The following TMEM131L variants were observed in gnomAD, a reference collection of about 807,000 sequenced individuals.
TMEM131L encodes transmembrane protein 131-like.
A neutral mutation model predicts 192.2 loss-of-function variants in TMEM131L; 54 were observed. The observed-to-expected ratio is 0.28, with a 90% CI of 0.23 to 0.35. The LOEUF is 0.35. Ranked by LOEUF, TMEM131L falls within the 10% of genes least tolerant of loss-of-function variation. The pLI is 1.00. For missense variants in TMEM131L, 1,888 were observed against 1,972.9 expected, an observed-to-expected ratio of 0.96 and a Z score of 0.82; for synonymous variants, 701 against 704.9, an observed-to-expected ratio of 0.99 and a Z score of 0.09.
intron 2 of TMEM131L, among the ~76,000 whole-genome samples, chr4:153,467,565 T>C (rs2149694124): frequency 6.6e-6 from 1 of 152,350 alleles, no homozygotes; most frequent in East Asian, 1.9e-4. Context: ...GCCGTGGGTG[T>C]CCTGGGTGCA....
At chr4:153,497,895 A>AG (rs1462326394) in intron 3 of TMEM131L, among the ~76,000 whole-genome samples, 51 of 150,822 alleles carry the variant, frequency 3.4e-4, no homozygotes, top group African/African-American at 1.0e-3. Context: ...AAAAAAAAAA[A>AG]AAAAGAAAAG....
At chr4:153,622,039 C>CCT (rs1733454702) in intron 28 of TMEM131L, among the ~76,000 whole-genome samples, 190 bp downstream of exon 28, 1 of 152,202 alleles carries the variant, frequency 6.6e-6, no homozygotes, top group African/African-American at 2.4e-5. Flanking sequence ...TCTCAGTAGG[C>CCT]CTCTAGTGCT....
chr4:153,503,631 A>T (rs1733759686), intron 3 of TMEM131L, among the ~76,000 whole-genome samples: 1 of 152,234 alleles, frequency 6.6e-6, no homozygotes, highest in Non-Finnish European at 1.5e-5. Context: ...ACAAAGAGTC[A>T]TGATGTGGGT....
chr4:153,632,472 A>G (rs1578912155), intron 31 of TMEM131L: 7 of 475,568 alleles, frequency 1.5e-5, no homozygotes, highest in South Asian at 5.2e-5. Flanking sequence ...TAGTTCCTCA[A>G]ATATTTGTTA....
Position 153,636,676 on chromosome 4 carries a change from T to C in TMEM131L, c.*100T>C. 8.1e-7 allele frequency: 1 copy of C among 1,240,810 alleles called. No individual in the cohort carries two copies. Among genetic ancestry groups the C allele is most frequent in the Non-Finnish European group, 1.1e-6 (1 of 896,980 alleles). The allele number at this position is 1,240,810 out of a possible 1,614,324, so 76.9% of individuals were successfully genotyped here. ...TAGATTATGACATTGGTGGATATTT[T>C]GGCACTTTTATATGAAAATAAATTT... is the stretch of plus-strand genomic sequence containing the variant. On this transcript the variant is annotated 3_prime_UTR_variant, in exon 35 of 35. Coordinates refer to ENST00000409959, the MANE Select transcript of TMEM131L (RefSeq NM_001131007.2).
intron 3 of TMEM131L, among the ~76,000 whole-genome samples, chr4:153,528,846 C>G (rs996381947): frequency 6.6e-6 from 1 of 152,152 alleles, no homozygotes; most frequent in African/African-American, 2.4e-5. Context: ...CTTTGAAACT[C>G]AAGAGAAACA....
intron 9 of TMEM131L, among the ~76,000 whole-genome samples, chr4:153,582,307 T>C (rs1480337199): frequency 6.6e-6 from 1 of 152,034 alleles, no homozygotes; most frequent in African/African-American, 2.4e-5. Context: ...CACAGAGATG[T>C]GATCTCGGCT....
intron 7 of TMEM131L, among the ~76,000 whole-genome samples, chr4:153,559,409 G>A (rs1176903878): frequency 1.3e-5 from 2 of 152,204 alleles, no homozygotes; most frequent in Non-Finnish European, 2.9e-5. Flanking sequence ...TTAAGCAGGA[G>A]ACTGATACTG....
At chr4:153,469,800 C>T (rs1731023228) in intron 2 of TMEM131L, among the ~76,000 whole-genome samples, 2 of 152,104 alleles carry the variant, frequency 1.3e-5, no homozygotes, top group Admixed American at 1.3e-4. Flanking sequence ...GTGGTGCAGG[C>T]CTGTAATCCC....
At chr4:153,569,493 G>T (rs914774678) in intron 7 of TMEM131L, among the ~76,000 whole-genome samples, 1 of 152,134 alleles carries the variant, frequency 6.6e-6, no homozygotes, top group Middle Eastern at 3.2e-3. Flanking sequence ...TGCAATATCC[G>T]GTACAGTTTA....
At chr4:153,524,696 G>T (rs537578628) in intron 3 of TMEM131L, among the ~76,000 whole-genome samples, 1 of 152,170 alleles carries the variant, frequency 6.6e-6, no homozygotes, top group Non-Finnish European at 1.5e-5. Flanking sequence ...ACCCCTCTGG[G>T]TTTCCATTTC....
At chr4:153,600,839 G>C (rs527281278) in intron 21 of TMEM131L, among the ~76,000 whole-genome samples, 12 of 152,340 alleles carry the variant, frequency 7.9e-5, no homozygotes, top group Non-Finnish European at 1.8e-4. Context: ...GGCCAGGCAT[G>C]GTGGCTTATG....
At chr4:153,577,983 T>A (rs553828742) in intron 7 of TMEM131L, among the ~76,000 whole-genome samples, 1 of 151,504 alleles carries the variant, frequency 6.6e-6, no homozygotes, top group South Asian at 2.1e-4. Flanking sequence ...TGGGAGAGAG[T>A]GAAGAGGGCA....
intron 7 of TMEM131L, among the ~76,000 whole-genome samples, chr4:153,576,028 C>G (rs938857318): frequency 5.3e-5 from 8 of 151,742 alleles, no homozygotes; most frequent in Admixed American, 4.6e-4. Context: ...GGCCCGATCT[C>G]GGCTCACTGC....
At chr4:153,576,427 G>A (rs868727059) in intron 7 of TMEM131L, among the ~76,000 whole-genome samples, 1 of 152,022 alleles carries the variant, frequency 6.6e-6, no homozygotes, top group South Asian at 2.1e-4. Context: ...AATGCCTCTC[G>A]CTAATAGAAG....
At chr4:153,561,196 G>A (rs908000199) in intron 7 of TMEM131L, among the ~76,000 whole-genome samples, 3 of 152,134 alleles carry the variant, frequency 2.0e-5, no homozygotes, top group African/African-American at 7.2e-5. Flanking sequence ...TGGGGAAGTG[G>A]TTGTTCATAT....
intron 29 of TMEM131L, among the ~76,000 whole-genome samples, chr4:153,623,456 A>AT (rs1733600143): frequency 6.6e-6 from 1 of 152,144 alleles, no homozygotes; most frequent in Admixed American, 6.6e-5. Context: ...CATCTCCAGT[A>AT]TTTTTTATCT....
Position 153,622,960 on chromosome 4 carries a change from G to A in TMEM131L, c.3922G>A (p.Asp1308Asn). 6.2e-7 allele frequency: 1 copy of A among 1,614,228 alleles called. No individual in the cohort carries two copies. The highest frequency in any genetic ancestry group is 8.5e-7 in the Non-Finnish European group (1 of 1,180,040). The change falls in exon 29 of 35, where the codon GAC (aspartate) becomes AAC (asparagine). Residue 1308 changes from aspartate (D) to asparagine (N), a missense_variant. By Grantham distance (23) the Asp-to-Asn change is conservative. Transcript: ENST00000409959. ...VDKFCSDSSS[D>N]CGSSSGSVRA... ...CAAGTTCTGCTCCGATTCCAGCTCT[G>A]ACTGTGGGAGCTCCTCTGGCAGCGT...
intron 3 of TMEM131L, among the ~76,000 whole-genome samples, chr4:153,479,588 A>C (rs912495691): frequency 1.3e-5 from 2 of 152,198 alleles, no homozygotes; most frequent in Admixed American, 1.3e-4. Flanking sequence ...AGGTTTTAAA[A>C]TGCGTACAAA....
Sources: gnomAD v4.1 joint callset for allele counts (sites outside exome capture counted in the v4.1 genomes callset) on GRCh38, gnomAD v4.1.1 for gene constraint, MANE v1.5 for transcripts, NCBI Gene and HGNC (gene_info 2026-07-23, HGNC 2026-07-21) for gene names.